Variants in RPL37A observed in about 807,000 individuals in gnomAD.
RPL37A encodes ribosomal protein L37a.
Under a neutral mutation model 13.6 loss-of-function variants are expected in RPL37A, and 5 were observed. That is an observed-to-expected ratio of 0.37 (90% CI 0.19 to 0.78). The LOEUF is 0.78. RPL37A is among the 30% of genes least tolerant of loss of function. The pLI is 0.49. For synonymous variants in RPL37A, 50 were observed against 44.4 expected (o/e 1.13, Z -0.50); for missense variants, 77 against 120.0 (o/e 0.64, Z 1.67).
chr2:216,503,386 A>C lies in RPL37A; in HGVS notation c.*1982A>C, dbSNP rs1695629942. 2 of 152,134 alleles carry C rather than the reference A, an allele frequency of 1.3e-5. No individual in the cohort carries two copies. Among genetic ancestry groups the C allele is most frequent in the Admixed American group, 6.6e-5 (1 of 15,264 alleles). 9.4% of individuals were successfully genotyped at this position (152,134 alleles called of 1,614,324 possible). A position where few individuals can be genotyped will look rare whatever the true frequency, so the allele number is the denominator to read the frequency against. On this transcript the variant is annotated 3_prime_UTR_variant, in exon 4 of 4. Coordinates refer to ENST00000491306, the MANE Select transcript of RPL37A (RefSeq NM_000998.5). ...AGGCATGGAAAACTTCGGTTTTTAT[A>C]ATCAGTGAAGTACTGCTTTTTGTTT...
rs555737461 is a variant in RPL37A at position 216,501,601 on chromosome 2, A to G, written c.*197A>G. ...TAGTAGTCAAATGGTAAAATGCAGC[A>G]TAAGAATATAAGTCTTCCAAGTTAG... On this transcript the variant is annotated 3_prime_UTR_variant, in exon 4 of 4. Transcript: ENST00000491306. 6.8e-6 allele frequency: 3 copies of G among 444,234 alleles called. No homozygotes were observed. The highest frequency in any genetic ancestry group is 7.2e-5 in the East Asian group (2 of 27,680). The allele number at this position is 444,234 out of a possible 1,614,324, so 27.5% of individuals were successfully genotyped here.
intron 3 of RPL37A, 43 bp downstream of exon 3, chr2:216,500,074 A>G (rs1347742512): frequency 6.7e-7 from 1 of 1,497,330 alleles, no homozygotes; most frequent in Admixed American, 1.7e-5. Context: ...TGTGGACCAC[A>G]TAGGCCCAAA....
chr2:216,499,468 C>A (rs1235457618), intron 2 of RPL37A, 70 bp downstream of exon 2: 7 of 1,567,156 alleles, frequency 4.5e-6, no homozygotes, highest in African/African-American at 1.4e-5. Flanking sequence ...GGCCTGACTT[C>A]AAGGTATTTT....
At position 216,501,471 on chromosome 2, in the gene RPL37A, C is replaced by A. The variant is rs780910108; in HGVS notation, c.*67C>A. ...TGGGTTAATTTATGTAACAAAATTG[C>A]CTTGGCTTGTTAACTTTATTAGACA... On this transcript the variant is annotated 3_prime_UTR_variant, in exon 4 of 4. Coordinates refer to ENST00000491306, the MANE Select transcript of RPL37A (RefSeq NM_000998.5). 2.6e-6 allele frequency: 3 copies of A among 1,173,182 alleles called. No individual in the cohort carries two copies. The allele number at this position is 1,173,182 out of a possible 1,614,324, so 72.7% of individuals were successfully genotyped here.
In RPL37A at chr2:216,503,354, C is replaced by A. The variant is rs1444698185; in HGVS notation, c.*1950C>A. The stretch of plus-strand genomic sequence containing the variant: ...GGAGTCTTACAAAGCTGCTATGTTA[C>A]ATGATTAGGCATGGAAAACTTCGGT... On this transcript the variant is annotated 3_prime_UTR_variant, in exon 4 of 4. Coordinates refer to ENST00000491306, the MANE Select transcript of RPL37A (RefSeq NM_000998.5). The A allele has an allele frequency of 6.6e-6, 1 of 152,146 alleles. No homozygotes were observed. Among genetic ancestry groups the A allele is most frequent in the African/African-American group, 2.4e-5 (1 of 41,440 alleles). 9.4% of individuals were successfully genotyped at this position (152,146 alleles called of 1,614,324 possible). A position where few individuals can be genotyped will look rare whatever the true frequency, so the allele number is the denominator to read the frequency against.
At chr2:216,499,774 G>C in intron 2 of RPL37A, 175 bp from the exon 3 acceptor site, 1 of 721,004 alleles carries the variant, frequency 1.4e-6, no homozygotes, top group South Asian at 1.5e-5. Context: ...GTTTGATAAA[G>C]GTTTGAACGT....
At chr2:216,499,485 C>G in intron 2 of RPL37A, 87 bp downstream of exon 2, 2 of 1,493,862 alleles carry the variant, frequency 1.3e-6, no homozygotes, top group Non-Finnish European at 9.0e-7. Context: ...TTTTATAAGC[C>G]GTGTGCTGGT....
In RPL37A at chr2:216,501,410, C is replaced by T. The variant is rs966489387; in HGVS notation, c.*6C>T. ...AGGAGTTGAAAGACCAGTAGACGCTCCTCTACTCTTTGAGACATCACTGGC... is the reference window on the plus strand; with the variant it reads ...AGGAGTTGAAAGACCAGTAGACGCTTCTCTACTCTTTGAGACATCACTGGC... On this transcript the variant is annotated 3_prime_UTR_variant, in exon 4 of 4. Coordinates refer to ENST00000491306, the MANE Select transcript of RPL37A (RefSeq NM_000998.5). The T allele has an allele frequency of 1.9e-6, 3 of 1,605,278 alleles. No homozygotes were observed. The highest frequency in any genetic ancestry group is 2.2e-4 in the Middle Eastern group (1 of 4,594).
Position 216,499,403 on chromosome 2 carries a change from G to GT in RPL37A, c.132+6dup. On this transcript the variant is annotated splice_donor_region_variant and intron_variant, in intron 2 of 3. Coordinates refer to ENST00000491306, the MANE Select transcript of RPL37A (RefSeq NM_000998.5). ...ACTTGCTCTTTCTGTGGCAAAGTAA[G>GT]TAAGGCAAAGTCTCTGGTGAGAGGA... 6.2e-7 allele frequency: 1 copy of GT among 1,613,994 alleles called. No individual in the cohort carries two copies. Among genetic ancestry groups the GT allele is most frequent in the Non-Finnish European group, 8.5e-7 (1 of 1,179,944 alleles).
chr2:216,498,850 G>A lies in RPL37A; in HGVS notation c.-25G>A. On this transcript the variant is annotated 5_prime_UTR_variant, in exon 1 of 4. Coordinates refer to ENST00000491306, the MANE Select transcript of RPL37A (RefSeq NM_000998.5). ...CTGCGCACCGCGTCTCTTCCTTTCT[G>A]GGCTCGGACCTAGGTCGCGGCGACA... 1 of 1,614,158 alleles carries A rather than the reference G, an allele frequency of 6.2e-7. No individual in the cohort carries two copies. Among genetic ancestry groups the A allele is most frequent in the Non-Finnish European group, 8.5e-7 (1 of 1,179,980 alleles).
At chr2:216,501,307 T>C (rs761583364) in intron 3 of RPL37A, 34 bp from the exon 4 acceptor site, 1 of 1,585,594 alleles carries the variant, frequency 6.3e-7, no homozygotes, top group Admixed American at 1.7e-5. Flanking sequence ...GTTAACATGC[T>C]TAATTATGTT....
chr2:216,499,887 C>T, intron 2 of RPL37A, 62 bp from the exon 3 acceptor site: 8 of 1,404,128 alleles, frequency 5.7e-6, no homozygotes, highest in Non-Finnish European at 8.1e-6. Context: ...ATTTAGACTT[C>T]TGGATGCTTG....
Position 216,499,962 on chromosome 2 carries a change from G to A in RPL37A, c.146G>A (p.Arg49Lys). 1 of 1,614,136 alleles carries A rather than the reference G, an allele frequency of 6.2e-7. No individual in the cohort carries two copies. Among genetic ancestry groups the A allele is most frequent in the Non-Finnish European group, 8.5e-7 (1 of 1,179,956 alleles). The change falls in exon 3 of 4, where the codon AGA (arginine) becomes AAA (lysine). Residue 49 changes from arginine to lysine, a missense_variant. Physicochemically the swap from Arg to Lys is conservative, Grantham distance 26. This residue lies in a region of RPL37A where 59 missense variants were observed against 65.5 expected (regional missense o/e 0.90). Transcript: ENST00000491306. ...TCTCTTTTATAGACCAAGATGAAGA[G>A]ACGAGCTGTGGGGATCTGGCACTGT... ...CSFCGKTKMK[R>K]RAVGIWHCGS...
chr2:216,500,432 T>A (rs1335068277), intron 3 of RPL37A: 1 of 272,610 alleles, frequency 3.7e-6, no homozygotes, highest in Non-Finnish European at 7.2e-6. Context: ...ACCACCACAG[T>A]TTCGTCTTTC....
In RPL37A at chr2:216,503,741, G is replaced by C. The variant is rs1695635814; in HGVS notation, c.*2337G>C. 1 of 152,040 alleles carries C rather than the reference G, an allele frequency of 6.6e-6. No homozygotes were observed. Among genetic ancestry groups the C allele is most frequent in the Non-Finnish European group, 1.5e-5 (1 of 68,036 alleles). 9.4% of individuals were successfully genotyped at this position (152,040 alleles called of 1,614,324 possible). ...GACAGTTAAAAGAGGAAAGGGCGGGGGACAGTTTACAGACCAGTGAAAGTG... is the reference window on the plus strand; with the variant it reads ...GACAGTTAAAAGAGGAAAGGGCGGGCGACAGTTTACAGACCAGTGAAAGTG... On this transcript the variant is annotated 3_prime_UTR_variant, in exon 4 of 4. Coordinates refer to ENST00000491306, the MANE Select transcript of RPL37A (RefSeq NM_000998.5).
chr2:216,499,044 G>T (rs1695550503), intron 1 of RPL37A, 167 bp downstream of exon 1: 1 of 1,232,018 alleles, frequency 8.1e-7, no homozygotes, highest in African/African-American at 1.5e-5. Flanking sequence ...AGGGGCGGGG[G>T]CGCCTTGGCT....
At chr2:216,499,518 C>A in intron 2 of RPL37A, 120 bp downstream of exon 2, 3 of 1,160,832 alleles carry the variant, frequency 2.6e-6, no homozygotes, top group East Asian at 5.0e-5. Context: ...TTACTCATAC[C>A]GTTGATTATG....
chr2:216,500,028 A>T lies in RPL37A; in HGVS notation c.212A>T (p.Tyr71Phe), dbSNP rs763900340. ...MKTVAGGAWT[Y>F]NTTSAVTVKS... ...ACAGTGGCTGGCGGTGCCTGGACGT[A>T]CAAGTGAGTCTAGTTCCTTGTGGTA... The change falls in exon 3 of 4, where the codon TAC becomes TTC. Residue 71 changes from tyrosine (Y) to phenylalanine (F), a missense_variant. By Grantham distance (22) the Tyr-to-Phe change is conservative (BLOSUM62 3). Around this residue, in one of 3 missense-constraint regions of RPL37A, gnomAD observed 59 missense variants for 65.5 expected, o/e 0.90. Coordinates refer to ENST00000491306, the MANE Select transcript of RPL37A (RefSeq NM_000998.5). 1 of 1,612,676 alleles carries T rather than the reference A, an allele frequency of 6.2e-7. No individual in the cohort carries two copies. Among genetic ancestry groups the T allele is most frequent in the Non-Finnish European group, 8.5e-7 (1 of 1,179,368 alleles).
rs1695614930 is a variant in RPL37A at position 216,502,376 on chromosome 2, C to G, written c.*972C>G. On this transcript the variant is annotated 3_prime_UTR_variant, in exon 4 of 4. Transcript: ENST00000491306. ...ATACTAAAGGATATACATATACTGCCTCTTCTATGATGTTTCATTTGACCT... is the reference window on the plus strand; with the variant it reads ...ATACTAAAGGATATACATATACTGCGTCTTCTATGATGTTTCATTTGACCT... 6.6e-6 allele frequency: 1 copy of G among 152,084 alleles called. No homozygotes were observed. Among genetic ancestry groups the G allele is most frequent in the African/African-American group, 2.4e-5 (1 of 41,418 alleles). The allele number at this position is 152,084 out of a possible 1,614,324, so 9.4% of individuals were successfully genotyped here.
Sources: allele counts gnomAD v4.1 joint callset, GRCh38; gene constraint gnomAD v4.1.1; regional missense constraint gnomAD v4.1.1; transcripts MANE v1.5; gene names NCBI Gene and HGNC (gene_info 2026-07-23, HGNC 2026-07-21).